Variants in AHCYL2 observed in about 807,000 individuals in gnomAD.
The protein encoded by AHCYL2 is adenosylhomocysteinase like 2.
In AHCYL2, 28 loss-of-function variants were observed where a neutral mutation model predicts 81.4. The ratio of observed to expected loss-of-function variants is 0.34; its 90% CI spans 0.25 to 0.47. The LOEUF is 0.47. Ranked by LOEUF, AHCYL2 falls within the 20% of genes least tolerant of loss-of-function variation. AHCYL2 has a pLI of 1.00. For synonymous variants in AHCYL2, 272 were observed against 290.2 expected, an observed-to-expected ratio of 0.94 and a Z score of 0.64; for missense variants, 551 against 785.1, an observed-to-expected ratio of 0.70 and a Z score of 3.56.
intron 6 of AHCYL2, 57 bp downstream of exon 6, chr7:129,400,441 A>AG: frequency 6.6e-7 from 1 of 1,521,050 alleles, no homozygotes; most frequent in South Asian, 1.2e-5. Context: ...GGATGGGTGG[A>AG]GGTTATGGCC....
intron 1 of AHCYL2, among the ~76,000 whole-genome samples, chr7:129,325,046 AT>A (rs201434912): frequency 6.6e-6 from 1 of 152,006 alleles, no homozygotes; most frequent in Non-Finnish European, 1.5e-5. Flanking sequence ...CTTTTTATTT[AT>A]TTTTTTATAA....
intron 1 of AHCYL2, among the ~76,000 whole-genome samples, chr7:129,323,044 C>T (rs968591681): frequency 1.7e-4 from 26 of 151,966 alleles, no homozygotes; most frequent in African/African-American, 6.0e-4. Flanking sequence ...CAAAGAACAC[C>T]CTTTGGTTCC....
intron 1 of AHCYL2, among the ~76,000 whole-genome samples, chr7:129,245,397 C>T (rs1795016869): frequency 1.3e-5 from 2 of 152,276 alleles, no homozygotes; most frequent in African/African-American, 2.4e-5. Context: ...GTGCATAGTT[C>T]AGTGGCATTA....
At chr7:129,384,944 A>G (rs1351738121) in intron 2 of AHCYL2, among the ~76,000 whole-genome samples, 2 of 152,218 alleles carry the variant, frequency 1.3e-5, no homozygotes, top group Non-Finnish European at 2.9e-5. Flanking sequence ...GCAAACTTCT[A>G]AAAAACTCTT....
At chr7:129,315,474 A>G (rs1259498829) in intron 1 of AHCYL2, among the ~76,000 whole-genome samples, 1 of 152,178 alleles carries the variant, frequency 6.6e-6, no homozygotes, top group Non-Finnish European at 1.5e-5. Context: ...TTTCTCTCTG[A>G]TTGAAATGTC....
chr7:129,290,988 G>T (rs1393533819), intron 1 of AHCYL2, among the ~76,000 whole-genome samples: 1 of 151,206 alleles, frequency 6.6e-6, no homozygotes, highest in Non-Finnish European at 1.5e-5. Context: ...GTTAACAGAC[G>T]TGGCATTGTT....
At chr7:129,343,438 A>C (rs1793256491) in intron 1 of AHCYL2, among the ~76,000 whole-genome samples, 1 of 152,184 alleles carries the variant, frequency 6.6e-6, no homozygotes, top group African/African-American at 2.4e-5. Flanking sequence ...CTTCCCTGCT[A>C]TCAATTATGA....
At chr7:129,237,612 A>G (rs1159393110) in intron 1 of AHCYL2, among the ~76,000 whole-genome samples, 2 of 152,120 alleles carry the variant, frequency 1.3e-5, no homozygotes, top group African/African-American at 2.4e-5. Context: ...TTGGAGCCCC[A>G]ATGATATCTC....
chr7:129,422,732 T>C lies in AHCYL2; in HGVS notation c.1462-108T>C, dbSNP rs553290297. 13 of 860,388 alleles carry C rather than the reference T, an allele frequency of 1.5e-5. 1 individual carries two copies. The South Asian group carries it at 2.1e-4, about 14-fold the overall frequency. The allele number at this position is 860,388 out of a possible 1,614,324, so 53.3% of individuals were successfully genotyped here. On this transcript the variant is annotated intron_variant, in intron 12 of 16. Transcript: ENST00000325006. ...GGACAGGTATTCTCCATCTGGCATGTTGGTTGCTCCTTTCAACCTGCTATT... is the reference window on the plus strand; with the variant it reads ...GGACAGGTATTCTCCATCTGGCATGCTGGTTGCTCCTTTCAACCTGCTATT...
chr7:129,245,826 C>A lies in AHCYL2; in HGVS notation c.363+20387C>A, dbSNP rs556340824. 2.0e-5 allele frequency among the ~76,000 whole-genome samples: 3 copies of A among 152,248 alleles called. No individual in the cohort carries two copies. In the South Asian group the frequency reaches 6.2e-4, roughly 32 times the overall value. On this transcript the variant is annotated intron_variant, in intron 1 of 16. Transcript: ENST00000325006. ...TCTATGAACATTGCCATACAAATAT[C>A]TGTTGAAGTCAATACTTTGAGTTCT...
intron 1 of AHCYL2, among the ~76,000 whole-genome samples, chr7:129,278,436 T>G (rs1796301939): frequency 6.6e-6 from 1 of 152,144 alleles, no homozygotes; most frequent in Admixed American, 6.5e-5. Context: ...TTTTGAGAGT[T>G]ATTTATATAT....
At chr7:129,367,535 G>T (rs1341878493) in intron 1 of AHCYL2, among the ~76,000 whole-genome samples, 1 of 152,190 alleles carries the variant, frequency 6.6e-6, no homozygotes, top group Non-Finnish European at 1.5e-5. Context: ...AGTGTACAGG[G>T]CTACTGCACT....
In AHCYL2 at chr7:129,301,409, G is replaced by T. The variant is rs1424640428; in HGVS notation, c.363+75970G>T. Among the ~76,000 whole-genome samples the T allele has an allele frequency of 3.9e-5, 6 of 152,162 alleles. No homozygotes were observed. The East Asian group carries it at 1.2e-3, about 29-fold the overall frequency. The stretch of plus-strand genomic sequence containing the variant: ...TTTTTGCTTTGGTTCCTGTGCTTGT[G>T]GGGTATTTACTCAAGAAATCTTTGC... On this transcript the variant is annotated intron_variant, in intron 1 of 16. Transcript: ENST00000325006.
At chr7:129,418,396 T>C (rs532197351) in intron 12 of AHCYL2, among the ~76,000 whole-genome samples, 75 of 152,212 alleles carry the variant, frequency 4.9e-4, no homozygotes, top group African/African-American at 1.7e-3. Context: ...GCCTCTTTGG[T>C]TTAAGCAATT....
At chr7:129,286,868 T>C (rs1245241052) in intron 1 of AHCYL2, among the ~76,000 whole-genome samples, 7 of 152,264 alleles carry the variant, frequency 4.6e-5, no homozygotes, top group East Asian at 3.9e-4. Context: ...TTTAAAAATA[T>C]TGATTGATTG....
chr7:129,338,760 G>A (rs1383891337), intron 1 of AHCYL2, among the ~76,000 whole-genome samples: 1 of 152,146 alleles, frequency 6.6e-6, no homozygotes, highest in Non-Finnish European at 1.5e-5. Context: ...GGAGCTTTTT[G>A]TATATTGAAG....
chr7:129,264,182 C>T (rs1399629435), intron 1 of AHCYL2, among the ~76,000 whole-genome samples: 4 of 152,124 alleles, frequency 2.6e-5, no homozygotes, highest in Non-Finnish European at 4.4e-5. Context: ...CCACCATGCC[C>T]GGCTAATTTT....
rs895613654 is a variant in AHCYL2, at chr7:129,406,581, A to G, written c.1295+115A>G. On this transcript the variant is annotated intron_variant, in intron 10 of 16. Coordinates refer to ENST00000325006, the MANE Select transcript of AHCYL2 (RefSeq NM_015328.4). The surrounding 1 kb of genome is among the most constrained non-coding windows in gnomAD (Gnocchi z 4.3). The stretch of plus-strand genomic sequence containing the variant: ...CCAGATCCTCAGAGATGCTGCCACT[A>G]ACTCTAAGCATCTGTCTTTTAAAAA... 14 of 959,928 alleles carry G rather than the reference A, an allele frequency of 1.5e-5. No homozygotes were observed. The highest frequency in any genetic ancestry group is 2.2e-5 in the Non-Finnish European group (13 of 603,626). The allele number at this position is 959,928 out of a possible 1,614,324, so 59.5% of individuals were successfully genotyped here.
rs1310758595 is a variant in AHCYL2 at position 129,424,581 on chromosome 7, C to T, written c.1561-293C>T. The T allele has an allele frequency of 2.9e-5, 13 of 450,312 alleles. No individual in the cohort carries two copies. The South Asian group carries it at 3.1e-4, about 11-fold the overall frequency. 27.9% of individuals were successfully genotyped at this position (450,312 alleles called of 1,614,324 possible). On this transcript the variant is annotated intron_variant, in intron 13 of 16. Transcript: ENST00000325006. ...ATTTTGCTATAGAGAGTGGAAAATT[C>T]AAGAGAAGTACACTGATATTTGGCA...
Sources: allele counts gnomAD v4.1 joint callset (sites outside exome capture counted in the v4.1 genomes callset), GRCh38; gene constraint gnomAD v4.1.1; non-coding constraint Gnocchi (gnomAD v3.1); transcripts MANE v1.5; gene names NCBI Gene and HGNC (gene_info 2026-07-23, HGNC 2026-07-21).